The following CD6 variants were observed in gnomAD, a reference collection of about 807,000 sequenced individuals.
The protein encoded by CD6 is CD6 molecule.
CD6 carries 53 observed loss-of-function variants against 75.3 expected under a neutral mutation model. The ratio of observed to expected loss-of-function variants is 0.70; its 90% confidence interval spans 0.56 to 0.88. The LOEUF (loss-of-function observed/expected upper bound fraction) is 0.88. Among genes scored for constraint, CD6 ranks in the 40% least tolerant of loss-of-function variants. The probability of loss-of-function intolerance (pLI) is 0.00; values close to 1 mark genes in which losing one functional copy is unlikely to be tolerated. For synonymous variants in CD6, 359 were observed against 381.5 expected (o/e 0.94, Z 0.69); for missense variants, 770 against 897.1 (o/e 0.86, Z 1.81).
chr11:61,007,381 G>A lies in CD6; in HGVS notation c.119-179G>A, dbSNP rs144174974. Among the ~76,000 whole-genome samples the A allele has an allele frequency of 9.5e-4, 144 of 152,312 alleles. 1 individual carries two copies. The highest frequency in any genetic ancestry group is 6.2e-3 in the East Asian group (32 of 5,172). On this transcript the variant is annotated intron_variant, in intron 2 of 12. Transcript: ENST00000313421. The surrounding 1 kb of genome is among the most constrained non-coding windows in gnomAD (Gnocchi z 4.2). ...GGCTGACTCTAAGGAGAACCACAGG[G>A]TCAGGCCTCAAGGTGGGCTCAGGGA...
chr11:61,006,560 C>G lies in CD6; in HGVS notation c.50-14C>G. 6.3e-7 allele frequency: 1 copy of G among 1,590,020 alleles called. No individual in the cohort carries two copies. The highest frequency in any genetic ancestry group is 8.6e-7 in the Non-Finnish European group (1 of 1,167,654). On this transcript the variant is annotated splice_polypyrimidine_tract_variant and intron_variant, in intron 1 of 12. Coordinates refer to ENST00000313421, the MANE Select transcript of CD6 (RefSeq NM_006725.5). ...AGCTCACTCACCCACCATGCTGCTG[C>G]TGGTTCATTTCAGGTCATCCATCTC...
In CD6 at chr11:61,017,823, G is replaced by A. The variant is rs200390085; in HGVS notation, c.1647G>A (p.Pro549=). 1.6e-5 allele frequency: 26 copies of A among 1,613,978 alleles called. 1 individual carries two copies. Among genetic ancestry groups the A allele is most frequent in the Non-Finnish European group, 1.7e-5 (20 of 1,179,984 alleles). The change falls in exon 11 of 13, where the codon CCG becomes CCA. Residue 549 remains proline (P), a synonymous_variant. Coordinates refer to ENST00000313421, the MANE Select transcript of CD6 (RefSeq NM_006725.5). The part of the protein sequence containing the change: ...TANPGHCITD[P]PSLGPQYHPR... ...ACCCTGGACACTGCATTACAGACCC[G>A]CCATCCCTGGGCCCTCAGTATCACC...
At position 61,019,715 on chromosome 11, in the gene CD6, T is replaced by G. The variant is rs893119964; in HGVS notation, c.*397T>G. ...TTTGATTGCCTGAGTTTCTGACACT[T>G]CAGGGCCCAGAGGTCCTGCGAGGGG... On this transcript the variant is annotated 3_prime_UTR_variant, in exon 13 of 13. Transcript: ENST00000313421. 5.4e-6 allele frequency: 1 copy of G among 186,112 alleles called. No homozygotes were observed. The highest frequency in any genetic ancestry group is 1.1e-5 in the Non-Finnish European group (1 of 90,480). 11.5% of individuals were successfully genotyped at this position (186,112 alleles called of 1,614,324 possible).
Position 60,971,891 on chromosome 11 carries a change from G to C in CD6, c.26G>C (p.Gly9Ala), listed in dbSNP as rs1210994617. ...ATGTGGCTCTTCTTCGGGATCACTG[G>C]ATTGCTGACGGCAGCCCTCTCAGGT... MWLFFGIT[G>A]LLTAALSGHP... The change falls in exon 1 of 13, where the codon GGA (glycine) becomes GCA (alanine). Residue 9 changes from glycine (G) to alanine (A), a missense_variant. Gly to Ala is a moderately conservative substitution (Grantham distance 60). Coordinates refer to ENST00000313421, the MANE Select transcript of CD6 (RefSeq NM_006725.5). The C allele has an allele frequency of 3.1e-6, 5 of 1,614,028 alleles. No homozygotes were observed. Among genetic ancestry groups the C allele is most frequent in the Non-Finnish European group, 4.2e-6 (5 of 1,180,002 alleles).
At chr11:60,994,471 A>AAAAAAAAAAAAAAAAC in intron 1 of CD6, among the ~76,000 whole-genome samples, 1 of 150,132 alleles carries the variant, frequency 6.7e-6, no homozygotes, top group Non-Finnish European at 1.5e-5. Flanking sequence ...AAAAAAAAAA[A>AAAAAAAAAAAAAAAAC]GCTGAATTTC....
intron 6 of CD6, 68 bp downstream of exon 6, chr11:61,011,203 G>GTGTGTGTGTGTGTGTT: frequency 7.6e-7 from 1 of 1,310,160 alleles, no homozygotes; most frequent in Admixed American, 1.8e-5. Context: ...GTGTGTGTGT[G>GTGTGTGTGTGTGTGTT]TTCCTGTGCA....
chr11:61,009,475 A>C (rs1478009857), intron 4 of CD6, 97 bp from the exon 5 acceptor site: 2 of 1,108,836 alleles, frequency 1.8e-6, no homozygotes, highest in Admixed American at 5.8e-5. Context: ...TGGAGACCAA[A>C]TGGCTGCATT....
chr11:61,006,523 T>C (rs1421197974), intron 1 of CD6, 51 bp from the exon 2 acceptor site: 1 of 1,462,714 alleles, frequency 6.8e-7, no homozygotes, highest in African/African-American at 1.4e-5. Context: ...GTCTCTGTGG[T>C]CTCCAGGCCT....
intron 1 of CD6, among the ~76,000 whole-genome samples, chr11:60,974,821 T>G (rs959908239): frequency 6.6e-6 from 1 of 152,160 alleles, no homozygotes; most frequent in African/African-American, 2.4e-5. Flanking sequence ...CTGTGCTTCT[T>G]TTCTTCTCAG....
chr11:60,980,385 C>T (rs1396122318), intron 1 of CD6, among the ~76,000 whole-genome samples: 2 of 152,112 alleles, frequency 1.3e-5, no homozygotes, highest in Non-Finnish European at 2.9e-5. Flanking sequence ...TGCCTGTAGT[C>T]CCAGCTACTC....
intron 1 of CD6, among the ~76,000 whole-genome samples, chr11:60,985,883 A>G (rs879806317): frequency 6.6e-6 from 1 of 152,260 alleles, no homozygotes; most frequent in Non-Finnish European, 1.5e-5. Flanking sequence ...GGACAGAAAA[A>G]TTGGAAAAGG....
Position 61,020,101 on chromosome 11 carries a change from A to C in CD6, c.*783A>C, listed in dbSNP as rs1859601989. The C allele has an allele frequency of 2.5e-6, 1 of 398,676 alleles. No homozygotes were observed. The highest frequency in any genetic ancestry group is 4.4e-6 in the Non-Finnish European group (1 of 226,184). The allele number at this position is 398,676 out of a possible 1,614,324, so 24.7% of individuals were successfully genotyped here. ...ACAAAGAGGGCCCCAGCCCAGCCCC[A>C]CCACAGATCCCAGAGATAGGGGCCC... On this transcript the variant is annotated 3_prime_UTR_variant, in exon 13 of 13. Transcript: ENST00000313421.
chr11:60,986,632 T>C (rs987612454), intron 1 of CD6, among the ~76,000 whole-genome samples: 1 of 152,222 alleles, frequency 6.6e-6, no homozygotes, highest in Non-Finnish European at 1.5e-5. Context: ...TTGTAGACTC[T>C]ATGGCATCTG....
At chr11:60,971,988 G>A in intron 1 of CD6, 74 bp downstream of exon 1, 1 of 1,483,664 alleles carries the variant, frequency 6.7e-7, no homozygotes, top group African/African-American at 1.4e-5. Context: ...CCCCTTTCTG[G>A]TTGTTTCCTT....
intron 1 of CD6, among the ~76,000 whole-genome samples, chr11:60,992,865 A>T (rs1047197875): frequency 6.6e-6 from 1 of 151,902 alleles, no homozygotes; most frequent in African/African-American, 2.4e-5. Flanking sequence ...AAATTAAAAT[A>T]AATAAATAAA....
intron 1 of CD6, among the ~76,000 whole-genome samples, chr11:60,972,927 C>T (rs889569225): frequency 1.8e-4 from 27 of 152,290 alleles, no homozygotes; most frequent in East Asian, 1.4e-3. Flanking sequence ...GAAAGCCATT[C>T]GGCTCTGGGA....
chr11:60,988,233 G>C (rs938382537), intron 1 of CD6, among the ~76,000 whole-genome samples: 1 of 152,190 alleles, frequency 6.6e-6, no homozygotes, highest in Non-Finnish European at 1.5e-5. Context: ...AAGACGGTGC[G>C]TGCTGTATAC....
rs764003415 is a variant in CD6, at chr11:61,015,810, T to C, written c.1485T>C (p.Pro495=). The change falls in exon 9 of 13, where the codon CCT becomes CCC. Residue 495 remains proline (P), a synonymous_variant. Coordinates refer to ENST00000313421, the MANE Select transcript of CD6 (RefSeq NM_006725.5). ...DYEHYDFSAQ[P]PVALTTFYNS... ...AGCACTATGACTTCAGCGCCCAGCC[T>C]CCTGTGGCCCTGACCACCTTCTACA... is the stretch of plus-strand genomic sequence containing the variant. 1 of 1,614,162 alleles carries C rather than the reference T, an allele frequency of 6.2e-7. No individual in the cohort carries two copies. Among genetic ancestry groups the C allele is most frequent in the Admixed American group, 1.7e-5 (1 of 60,022 alleles).
intron 1 of CD6, among the ~76,000 whole-genome samples, chr11:60,996,901 C>T (rs573198137): frequency 6.6e-6 from 1 of 152,286 alleles, no homozygotes; most frequent in Admixed American, 6.5e-5. Context: ...TTATTAACTC[C>T]AGTTCATGGA....
Sources: allele counts gnomAD v4.1 joint callset (sites outside exome capture counted in the v4.1 genomes callset), GRCh38; gene constraint gnomAD v4.1.1; non-coding constraint Gnocchi (gnomAD v3.1); transcripts MANE v1.5; gene names NCBI Gene and HGNC (gene_info 2026-07-23, HGNC 2026-07-21).